Variants in MAP4K3 observed in about 807,000 individuals in gnomAD.
The protein encoded by MAP4K3 is mitogen-activated protein kinase kinase kinase kinase 3.
MAP4K3 carries 94 observed loss-of-function variants against 143.5 expected under a neutral mutation model. The observed-to-expected ratio is 0.65, with a 90% CI of 0.55 to 0.78. The LOEUF (loss-of-function observed/expected upper bound fraction) is 0.78, where lower values mean the gene tolerates loss of function less well. MAP4K3 is among the 30% of genes least tolerant of loss of function. The probability of loss-of-function intolerance (pLI) is 0.00; values close to 1 mark genes in which losing one functional copy is unlikely to be tolerated. For missense variants in MAP4K3, 1,077 were observed against 1,068.1 expected (o/e 1.01, Z -0.12); for synonymous variants, 416 against 347.2 (o/e 1.20, Z -2.20).
intron 28 of MAP4K3, among the ~76,000 whole-genome samples, chr2:39,264,663 T>C (rs1323854120): frequency 6.6e-6 from 1 of 152,198 alleles, no homozygotes; most frequent in East Asian, 1.9e-4. Flanking sequence ...CTTCACACAT[T>C]TTAAAAGTTA....
intron 23 of MAP4K3, among the ~76,000 whole-genome samples, chr2:39,278,952 T>C (rs1290622797): frequency 6.6e-6 from 1 of 152,182 alleles, no homozygotes. Context: ...ATTAAAAAGT[T>C]AACTAAAACT....
chr2:39,280,391 G>A, intron 22 of MAP4K3, 35 bp from the exon 23 acceptor site: 1 of 1,251,590 alleles, frequency 8.0e-7, no homozygotes, highest in Non-Finnish European at 1.2e-6. Flanking sequence ...ATGAAACAGT[G>A]ACAAGTAACA....
At chr2:39,424,200 T>G (rs1163348742) in intron 1 of MAP4K3, among the ~76,000 whole-genome samples, 1 of 152,164 alleles carries the variant, frequency 6.6e-6, no homozygotes, top group East Asian at 1.9e-4. Context: ...CGCCTCGGCC[T>G]CCCAAAGTGC....
intron 1 of MAP4K3, among the ~76,000 whole-genome samples, chr2:39,394,295 G>C (rs1330131365): frequency 6.6e-6 from 1 of 152,120 alleles, no homozygotes; most frequent in Admixed American, 6.5e-5. Flanking sequence ...CATAAAGGAG[G>C]AGCCAGGGAA....
intron 8 of MAP4K3, among the ~76,000 whole-genome samples, chr2:39,326,958 G>C (rs1490673646): frequency 6.6e-6 from 1 of 151,994 alleles, no homozygotes; most frequent in Non-Finnish European, 1.5e-5. Flanking sequence ...TCAAACCTTT[G>C]TTTATAAATT....
At chr2:39,343,564 G>T in intron 3 of MAP4K3, 112 bp from the exon 4 acceptor site, 3 of 727,464 alleles carry the variant, frequency 4.1e-6, no homozygotes, top group South Asian at 1.8e-5. Context: ...CAAATGCAAT[G>T]TGTTATCTTT....
At chr2:39,394,548 G>C (rs1666753037) in intron 1 of MAP4K3, among the ~76,000 whole-genome samples, 2 of 152,122 alleles carry the variant, frequency 1.3e-5, no homozygotes, top group Admixed American at 6.5e-5. Flanking sequence ...GAGGTGTCTA[G>C]AACAGTCCTC....
At chr2:39,289,496 A>G (rs2148476335) in intron 19 of MAP4K3, among the ~76,000 whole-genome samples, 1 of 152,272 alleles carries the variant, frequency 6.6e-6, no homozygotes, top group South Asian at 2.1e-4. Flanking sequence ...AAAACAACCC[A>G]TCAGTTGAAA....
intron 15 of MAP4K3, chr2:39,303,229 G>C (rs1217961146): frequency 6.0e-6 from 1 of 166,594 alleles, no homozygotes; most frequent in Non-Finnish European, 1.5e-5. Context: ...AAATAAGGTT[G>C]TTAGTGAGAC....
chr2:39,391,409 T>G (rs1483919529), intron 1 of MAP4K3, among the ~76,000 whole-genome samples: 3 of 140,768 alleles, frequency 2.1e-5, no homozygotes, highest in Non-Finnish European at 4.6e-5. Context: ...TATACTATAC[T>G]CTCCTCCTAG....
chr2:39,268,226 A>ATACAC (rs1326561500), intron 26 of MAP4K3, among the ~76,000 whole-genome samples: 16 of 152,172 alleles, frequency 1.1e-4, no homozygotes, highest in South Asian at 2.1e-4. Flanking sequence ...CATACACTCA[A>ATACAC]ATGTCTTTTA....
At chr2:39,318,737 C>T (rs1683201128) in intron 12 of MAP4K3, among the ~76,000 whole-genome samples, 1 of 152,044 alleles carries the variant, frequency 6.6e-6, no homozygotes, top group African/African-American at 2.4e-5. Context: ...AAACAAAACC[C>T]TGCCCTTACA....
At chr2:39,395,981 T>C (rs1284611904) in intron 1 of MAP4K3, among the ~76,000 whole-genome samples, 1 of 152,194 alleles carries the variant, frequency 6.6e-6, no homozygotes, top group Non-Finnish European at 1.5e-5. Flanking sequence ...TATACTTAAA[T>C]ATTAAAATAT....
In MAP4K3 at chr2:39,374,440, G is replaced by A. The variant is rs550134351; in HGVS notation, c.154+3626C>T. ...TTCACGCTTGTTAACCCAGCACTTTGGGAGGCAGAGGCGGGTGGATCACCT... is the reference window on the plus strand; with the variant it reads ...TTCACGCTTGTTAACCCAGCACTTTAGGAGGCAGAGGCGGGTGGATCACCT... On this transcript the variant is annotated intron_variant, in intron 2 of 33. Coordinates refer to ENST00000263881, the MANE Select transcript of MAP4K3 (RefSeq NM_003618.4). 2.0e-5 allele frequency among the ~76,000 whole-genome samples: 3 copies of A among 152,242 alleles called. No individual in the cohort carries two copies. The East Asian group carries it at 5.8e-4, about 29-fold the overall frequency.
Position 39,290,325 on chromosome 2 carries a change from C to T in MAP4K3, c.1281G>A (p.Leu427=), listed in dbSNP as rs1427352478. ...GCAAAGGAGGTGGAATTTTTGCTTT[C>T]AGAGTTGAGCTAAAAACAGAAAAGT... The part of the protein sequence containing the change: ...GDDDESKHST[L]KAKIPPPLPP... The change falls in exon 19 of 34, where the codon CTG becomes CTA. Residue 427 remains leucine (L), a synonymous_variant. Coordinates refer to ENST00000263881, the MANE Select transcript of MAP4K3 (RefSeq NM_003618.4). 1 of 1,604,770 alleles carries T rather than the reference C, an allele frequency of 6.2e-7. No homozygotes were observed. The highest frequency in any genetic ancestry group is 8.5e-7 in the Non-Finnish European group (1 of 1,176,052).
intron 2 of MAP4K3, among the ~76,000 whole-genome samples, chr2:39,363,790 A>G (rs536840857): frequency 6.6e-6 from 1 of 152,192 alleles, no homozygotes; most frequent in Admixed American, 6.5e-5. Context: ...CTGTAAACAA[A>G]CAGTATACAA....
chr2:39,263,324 G>A (rs1199500674), intron 28 of MAP4K3, among the ~76,000 whole-genome samples: 71 of 148,946 alleles, frequency 4.8e-4, no homozygotes, highest in Admixed American at 8.7e-4. Flanking sequence ...CCAGGCGGGA[G>A]TGCAGTGGCG....
chr2:39,419,072 C>A (rs1667475184), intron 1 of MAP4K3, among the ~76,000 whole-genome samples: 1 of 151,964 alleles, frequency 6.6e-6, no homozygotes, highest in Admixed American at 6.6e-5. Flanking sequence ...CAAAAATATT[C>A]TAAAATAAAG....
intron 28 of MAP4K3, among the ~76,000 whole-genome samples, chr2:39,262,941 C>T (rs1265586597): frequency 6.6e-6 from 1 of 151,968 alleles, no homozygotes. Flanking sequence ...CCCATCTCTA[C>T]TAAAAATACA....
Sources: gnomAD v4.1 joint callset for allele counts (sites outside exome capture counted in the v4.1 genomes callset) on GRCh38, gnomAD v4.1.1 for gene constraint, MANE v1.5 for transcripts, NCBI Gene and HGNC (gene_info 2026-07-23, HGNC 2026-07-21) for gene names.